The following MAP4K4 variants were observed in gnomAD, a reference collection of about 807,000 sequenced individuals.
MAP4K4 encodes HPK/GCK-like kinase HGK.
MAP4K4 carries 38 observed loss-of-function variants against 189.6 expected under a neutral mutation model. The ratio of observed to expected loss-of-function variants is 0.20; its 90% confidence interval spans 0.15 to 0.26. The LOEUF is 0.26. Among genes scored for constraint, MAP4K4 ranks in the 10% least tolerant of loss-of-function variants. The pLI is 1.00. For synonymous variants in MAP4K4, 610 were observed against 624.3 expected (o/e 0.98, Z 0.34); for missense variants, 1,054 against 1,726.9 (o/e 0.61, Z 6.91).
At chr2:101,780,802 A>G (rs1298886198) in intron 2 of MAP4K4, among the ~76,000 whole-genome samples, 1 of 152,260 alleles carries the variant, frequency 6.6e-6, no homozygotes, top group Non-Finnish European at 1.5e-5. Context: ...TTTTTAACGT[A>G]TCTTGACAGA....
chr2:101,719,977 A>C (rs2050773330), intron 2 of MAP4K4, among the ~76,000 whole-genome samples: 1 of 152,016 alleles, frequency 6.6e-6, no homozygotes, highest in South Asian at 2.1e-4. Flanking sequence ...ATGCCACTGC[A>C]CTCCAGCCTG....
intron 5 of MAP4K4, among the ~76,000 whole-genome samples, chr2:101,827,908 G>T (rs1056152764): frequency 6.6e-5 from 10 of 152,206 alleles, no homozygotes; most frequent in Non-Finnish European, 1.5e-4. Flanking sequence ...CTCGAGGATA[G>T]GTCCTTCACT....
intron 24 of MAP4K4, among the ~76,000 whole-genome samples, chr2:101,872,582 C>G (rs2098075711): frequency 6.6e-6 from 1 of 152,120 alleles, no homozygotes; most frequent in East Asian, 1.9e-4. Flanking sequence ...TAGAAAGAAT[C>G]AGAAAAATCC....
At chr2:101,844,937 A>G (rs973879926) in intron 12 of MAP4K4, among the ~76,000 whole-genome samples, 1 of 152,138 alleles carries the variant, frequency 6.6e-6, no homozygotes, top group Non-Finnish European at 1.5e-5. Context: ...GTAAAATAAA[A>G]TAAAATAAAA....
chr2:101,850,706 G>A (rs1042195890), intron 12 of MAP4K4, among the ~76,000 whole-genome samples: 11 of 152,196 alleles, frequency 7.2e-5, no homozygotes, highest in Admixed American at 2.0e-4. Context: ...CAGTTGGTAT[G>A]CAGAAGGTGG....
chr2:101,807,615 G>GTCA (rs2095077775), intron 3 of MAP4K4, among the ~76,000 whole-genome samples: 2 of 152,166 alleles, frequency 1.3e-5, no homozygotes, highest in South Asian at 4.1e-4. Context: ...AATTTATAAA[G>GTCA]AGGTTTAATT....
chr2:101,726,642 G>T (rs2055531892), intron 2 of MAP4K4, among the ~76,000 whole-genome samples: 1 of 152,090 alleles, frequency 6.6e-6, no homozygotes, highest in Non-Finnish European at 1.5e-5. Context: ...ATTTTACTTA[G>T]AACTAACTTT....
chr2:101,767,817 A>G (rs1031244927), intron 2 of MAP4K4, among the ~76,000 whole-genome samples: 1 of 152,208 alleles, frequency 6.6e-6, no homozygotes, highest in African/African-American at 2.4e-5. Context: ...AATAATTGCT[A>G]TGACAGCTGG....
intron 2 of MAP4K4, among the ~76,000 whole-genome samples, chr2:101,783,959 C>T (rs191342310): frequency 1.3e-5 from 2 of 152,280 alleles, no homozygotes; most frequent in Admixed American, 1.3e-4. Flanking sequence ...TTGTGCTCAC[C>T]CTTTTTTTCC....
intron 3 of MAP4K4, 70 bp downstream of exon 3, chr2:101,790,846 G>T: frequency 7.8e-7 from 1 of 1,275,344 alleles, no homozygotes; most frequent in Non-Finnish European, 1.1e-6. Flanking sequence ...ACAACACAGA[G>T]TATTACTCTG....
intron 20 of MAP4K4, chr2:101,867,634 A>G (rs570111099): frequency 1.3e-5 from 4 of 317,494 alleles, no homozygotes; most frequent in African/African-American, 8.6e-5. Flanking sequence ...CTGATGCTTT[A>G]AAAAAAATAC....
chr2:101,884,082 A>G (rs1286267954), intron 28 of MAP4K4, among the ~76,000 whole-genome samples: 1 of 152,232 alleles, frequency 6.6e-6, no homozygotes, highest in Non-Finnish European at 1.5e-5. Context: ...GCTTTTCCCC[A>G]GAACAAAACA....
At chr2:101,733,982 A>G (rs1048344013) in intron 2 of MAP4K4, among the ~76,000 whole-genome samples, 17 of 152,228 alleles carry the variant, frequency 1.1e-4, no homozygotes, top group Admixed American at 5.9e-4. Flanking sequence ...CTAGGGACCT[A>G]TCACACTATG....
chr2:101,705,591 A>C (rs2041903756), intron 2 of MAP4K4, among the ~76,000 whole-genome samples: 1 of 152,244 alleles, frequency 6.6e-6, no homozygotes, highest in Non-Finnish European at 1.5e-5. Context: ...TAGAATCAAA[A>C]GACATTTTCC....
intron 3 of MAP4K4, among the ~76,000 whole-genome samples, chr2:101,803,997 T>C (rs1487371851): frequency 2.6e-5 from 4 of 152,154 alleles, no homozygotes; most frequent in African/African-American, 7.2e-5. Context: ...CACATTGTAG[T>C]GCACTGTTAA....
chr2:101,849,686 A>T (rs1476772089), intron 12 of MAP4K4, among the ~76,000 whole-genome samples: 3 of 145,288 alleles, frequency 2.1e-5, no homozygotes, highest in African/African-American at 5.2e-5. Flanking sequence ...CTGTACTTTC[A>T]TGACACTCAC....
At chr2:101,826,152 C>G (rs2096346469) in intron 5 of MAP4K4, among the ~76,000 whole-genome samples, 1 of 152,060 alleles carries the variant, frequency 6.6e-6, no homozygotes, top group African/African-American at 2.4e-5. Flanking sequence ...ATTTCATTTA[C>G]CTACCACATT....
chr2:101,698,534 A>T (rs2035943716), exon 2 of MAP4K4: 1 of 1,613,638 alleles, frequency 6.2e-7, no homozygotes, highest in Non-Finnish European at 8.5e-7. Context: ...GGACAAGTCT[A>T]TAAGGTCGGT....
intron 2 of MAP4K4, among the ~76,000 whole-genome samples, chr2:101,778,088 A>G (rs895837452): frequency 2.6e-5 from 4 of 152,146 alleles, no homozygotes; most frequent in African/African-American, 9.7e-5. Flanking sequence ...GTTCAGTGGA[A>G]TGACTTCCCT....
Sources: gnomAD v4.1 joint callset for allele counts (sites outside exome capture counted in the v4.1 genomes callset) on GRCh38, gnomAD v4.1.1 for gene constraint, MANE v1.5 for transcripts, NCBI Gene and HGNC (gene_info 2026-07-23, HGNC 2026-07-21) for gene names.